The following ALK variants were observed in gnomAD, a reference collection of about 807,000 sequenced individuals.
ALK encodes the protein ALK receptor tyrosine kinase, also known as ALK tyrosine kinase receptor.
In ALK, 74 loss-of-function variants were observed where a neutral mutation model predicts 163.1. The ratio of observed to expected loss-of-function variants is 0.45; its 90% CI spans 0.38 to 0.55. The LOEUF is 0.55. ALK is among the 20% of genes least tolerant of loss of function. The pLI is 0.00. For synonymous variants in ALK, 960 were observed against 843.2 expected, an observed-to-expected ratio of 1.14 and a Z score of -2.40; for missense variants, 2,063 against 2,105.3, an observed-to-expected ratio of 0.98 and a Z score of 0.39.
At chr2:29,557,441 G>T (rs1673893881) in intron 3 of ALK, among the ~76,000 whole-genome samples, 1 of 152,190 alleles carries the variant, frequency 6.6e-6, no homozygotes, top group Non-Finnish European at 1.5e-5. Flanking sequence ...AGAGCTCACT[G>T]ATCTCAGATC....
At chr2:29,603,704 C>G (rs1165517478) in intron 3 of ALK, among the ~76,000 whole-genome samples, 1 of 152,000 alleles carries the variant, frequency 6.6e-6, no homozygotes, top group East Asian at 1.9e-4. Flanking sequence ...CACACTTGGC[C>G]CAGCAAGCTC....
At chr2:29,313,993 G>A (rs747962247) in intron 8 of ALK, among the ~76,000 whole-genome samples, 3 of 152,028 alleles carry the variant, frequency 2.0e-5, no homozygotes, top group Non-Finnish European at 4.4e-5. Flanking sequence ...AGTCCTATTT[G>A]CCTGCTGCCG....
chr2:29,271,092 G>A (rs1665372368), intron 11 of ALK, among the ~76,000 whole-genome samples: 1 of 152,180 alleles, frequency 6.6e-6, no homozygotes, highest in Non-Finnish European at 1.5e-5. Flanking sequence ...ACTGAAGTAG[G>A]CTTGGCCGGA....
intron 1 of ALK, among the ~76,000 whole-genome samples, chr2:29,820,600 T>A (rs995059823): frequency 2.0e-5 from 3 of 152,130 alleles, no homozygotes; most frequent in Non-Finnish European, 1.5e-5. Context: ...AGGATAGGGA[T>A]CCAGCTGAAA....
At chr2:29,818,248 G>C (rs903360533) in intron 1 of ALK, among the ~76,000 whole-genome samples, 1 of 152,102 alleles carries the variant, frequency 6.6e-6, no homozygotes, top group Non-Finnish European at 1.5e-5. Flanking sequence ...TCTCTCTCTC[G>C]AAGAGAAATG....
At chr2:29,787,427 T>C (rs911762853) in intron 1 of ALK, among the ~76,000 whole-genome samples, 1 of 152,222 alleles carries the variant, frequency 6.6e-6, no homozygotes, top group Non-Finnish European at 1.5e-5. Context: ...TAATTTGCAG[T>C]TAAATGTATA....
chr2:29,326,961 G>T (rs1056196628), intron 6 of ALK, among the ~76,000 whole-genome samples: 11 of 152,238 alleles, frequency 7.2e-5, no homozygotes, highest in African/African-American at 2.6e-4. Flanking sequence ...CCCAGTCCAG[G>T]CTCCATTTCA....
At chr2:29,704,419 G>T (rs1445876511) in intron 2 of ALK, among the ~76,000 whole-genome samples, 1 of 152,194 alleles carries the variant, frequency 6.6e-6, no homozygotes, top group Non-Finnish European at 1.5e-5. Context: ...GATCATCAAA[G>T]AATGCACAGT....
At chr2:29,511,661 A>G (rs72794488) in intron 4 of ALK, among the ~76,000 whole-genome samples, 56,581 of 151,958 alleles carry the variant, frequency 0.37, 11,633 homozygotes, top group South Asian at 0.56. Context: ...CCAGACAGGG[A>G]GTAGAATGGC....
At chr2:29,551,351 T>A (rs1029894444) in intron 3 of ALK, among the ~76,000 whole-genome samples, 6 of 152,286 alleles carry the variant, frequency 3.9e-5, no homozygotes, top group Non-Finnish European at 8.8e-5. Flanking sequence ...TGAGGATTTT[T>A]AAATATTAAT....
At chr2:29,466,354 GAC>G (rs200634195) in intron 4 of ALK, among the ~76,000 whole-genome samples, 1 of 151,610 alleles carries the variant, frequency 6.6e-6, no homozygotes, top group East Asian at 1.9e-4. Flanking sequence ...CACACACATA[GAC>G]ACACACACAC....
chr2:29,303,770 G>C (rs764020401), intron 8 of ALK, among the ~76,000 whole-genome samples: 7 of 152,178 alleles, frequency 4.6e-5, no homozygotes, highest in Admixed American at 3.3e-4. Flanking sequence ...TCTTAAGTGA[G>C]TTAATGTAGA....
intron 4 of ALK, among the ~76,000 whole-genome samples, chr2:29,513,099 C>T (rs910821504): frequency 3.3e-5 from 5 of 151,376 alleles, no homozygotes; most frequent in South Asian, 2.1e-4. Flanking sequence ...GATTCAATGC[C>T]GTCCCCATCA....
rs1308667889 is a variant in ALK, at chr2:29,831,644, G to A, written c.667+88349C>T. On this transcript the variant is annotated intron_variant, in intron 1 of 28. Coordinates refer to ENST00000389048, the MANE Select transcript of ALK (RefSeq NM_004304.5). ...ACAACTCAAGTCTGGCCAGTGCAAT[G>A]CCTTCTCAAGATTCAACACCTAATA... Among the ~76,000 whole-genome samples, 3 of 152,188 alleles carry A rather than the reference G, an allele frequency of 2.0e-5. No homozygotes were observed. The East Asian group carries it at 5.8e-4, about 29-fold the overall frequency.
chr2:29,421,304 A>C (rs1474948730), intron 4 of ALK, among the ~76,000 whole-genome samples: 4 of 151,482 alleles, frequency 2.6e-5, no homozygotes, highest in Non-Finnish European at 5.9e-5. Context: ...AGAAAGTAAT[A>C]CTGAGTGTTG....
At chr2:29,559,787 G>GTGTGTGTA (rs1191082841) in intron 3 of ALK, among the ~76,000 whole-genome samples, 3 of 151,870 alleles carry the variant, frequency 2.0e-5, no homozygotes, top group African/African-American at 7.2e-5. Context: ...GTGTGTGTGT[G>GTGTGTGTA]TGTGTGTGTG....
intron 1 of ALK, among the ~76,000 whole-genome samples, chr2:29,816,130 A>T (rs907585492): frequency 6.6e-6 from 1 of 152,232 alleles, no homozygotes; most frequent in African/African-American, 2.4e-5. Flanking sequence ...TCGAGAAGAT[A>T]AAGTATTTTT....
intron 5 of ALK, among the ~76,000 whole-genome samples, chr2:29,358,632 G>T (rs1240749529): frequency 3.3e-5 from 5 of 152,342 alleles, no homozygotes; most frequent in Admixed American, 3.3e-4. Flanking sequence ...TTGTTTGCCA[G>T]TTCTACTTGG....
intron 11 of ALK, among the ~76,000 whole-genome samples, chr2:29,274,678 T>A (rs559134930): frequency 6.6e-6 from 1 of 152,306 alleles, no homozygotes; most frequent in South Asian, 2.1e-4. Flanking sequence ...TTGGGGGCTT[T>A]ACCCATGATG....
Sources: gnomAD v4.1 joint callset for allele counts (sites outside exome capture counted in the v4.1 genomes callset) on GRCh38, gnomAD v4.1.1 for gene constraint, MANE v1.5 for transcripts, NCBI Gene and HGNC (gene_info 2026-07-23, HGNC 2026-07-21) for gene names.